MT3: variants seen among roughly 807,000 people sequenced by gnomAD.
MT3 encodes the protein metallothionein-3.
In MT3, 8 loss-of-function variants were observed where a neutral mutation model predicts 10.9. The observed-to-expected ratio is 0.73, with a 90% CI of 0.43 to 1.33. The LOEUF is 1.33. Among genes scored for constraint, MT3 ranks in the 40% most tolerant of loss-of-function variants. The probability of loss-of-function intolerance (pLI) is 0.01; values close to 1 mark genes in which losing one functional copy is unlikely to be tolerated. For synonymous variants in MT3, 32 were observed against 29.9 expected (o/e 1.07, Z -0.23); for missense variants, 75 against 83.9 (o/e 0.89, Z 0.41).
intron 2 of MT3, chr16:56,590,501 G>T: frequency 2.3e-6 from 1 of 431,074 alleles, no homozygotes; most frequent in South Asian, 2.9e-5. Context: ...TTTATCCTTT[G>T]AGGCCCCTTT....
Position 56,589,566 on chromosome 16 carries a change from G to A in MT3, c.-25G>A, listed in dbSNP as rs1959795202. The A allele has an allele frequency of 1.3e-6, 2 of 1,552,536 alleles. No individual in the cohort carries two copies. Among genetic ancestry groups the A allele is most frequent in the Non-Finnish European group, 1.7e-6 (2 of 1,151,592 alleles). ...AGTTGCTTGGAGAAGCCCGTTCACC[G>A]CCTCCAGCTGCTGCTCTCCTCGACA... On this transcript the variant is annotated 5_prime_UTR_variant, in exon 1 of 3. Transcript: ENST00000200691.
intron 1 of MT3, 114 bp from the exon 2 acceptor site, chr16:56,589,756 C>A (rs751410169): frequency 9.0e-6 from 14 of 1,560,492 alleles, no homozygotes; most frequent in Non-Finnish European, 1.1e-5. Context: ...TCGTGAAGGG[C>A]GGGCATGCCT....
intron 1 of MT3, 117 bp downstream of exon 1, chr16:56,589,738 T>C: frequency 1.3e-6 from 2 of 1,576,812 alleles, no homozygotes; most frequent in African/African-American, 1.3e-5. Context: ...GATTCCCTAT[T>C]CTTCACCTCG....
rs1218103264 is a variant in MT3 at position 56,590,140 on chromosome 16, GT to G, written c.97+210del. 2.7e-5 allele frequency: 19 copies of G among 703,302 alleles called. No homozygotes were observed. The Admixed American group carries it at 3.6e-4, about 13-fold the overall frequency. The allele number at this position is 703,302 out of a possible 1,614,324, so 43.6% of individuals were successfully genotyped here. Reference sequence around the variant, plus strand: ...TGATGGCCTAGGCGTGGGACGAGAGGTTTTTGTAAATCCCCAGAAGACTCCA... The same window carrying G: ...TGATGGCCTAGGCGTGGGACGAGAGGTTTTGTAAATCCCCAGAAGACTCCA... On this transcript the variant is annotated intron_variant, in intron 2 of 2. Transcript: ENST00000200691.
chr16:56,590,677 A>G (rs1959811320), intron 2 of MT3, 163 bp from the exon 3 acceptor site: 3 of 655,736 alleles, frequency 4.6e-6, no homozygotes, highest in Non-Finnish European at 5.4e-6. Context: ...GCCGCGACAT[A>G]GATGCTGAGT....
chr16:56,590,964 G>C lies in MT3; in HGVS notation c.*15G>C. On this transcript the variant is annotated 3_prime_UTR_variant, in exon 3 of 3. Transcript: ENST00000200691. The stretch of plus-strand genomic sequence containing the variant: ...GCTGCCAGTGAGAAGGCACCCCTCC[G>C]TGTGGAGCACGTGGAGATAGTGCCA... The C allele has an allele frequency of 6.2e-7, 1 of 1,608,042 alleles. No individual in the cohort carries two copies.
intron 2 of MT3, chr16:56,590,146 G>A: frequency 1.4e-6 from 1 of 699,054 alleles, no homozygotes; most frequent in Non-Finnish European, 2.6e-6. Context: ...AGAGGTTTTT[G>A]TAAATCCCCA....
rs1313243802 is a variant in MT3, at chr16:56,590,571, T to G, written c.98-269T>G. 5 of 523,896 alleles carry G rather than the reference T, an allele frequency of 9.5e-6. No individual in the cohort carries two copies. The East Asian group carries it at 1.7e-4, about 17-fold the overall frequency. 32.5% of individuals were successfully genotyped at this position (523,896 alleles called of 1,614,324 possible). Reference sequence around the variant, plus strand: ...GGCCTAGTACCCACCTAAGCTGGGCTTAAGCCCACCAGCCCCCAGGACTTC... The same window carrying G: ...GGCCTAGTACCCACCTAAGCTGGGCGTAAGCCCACCAGCCCCCAGGACTTC... On this transcript the variant is annotated intron_variant, in intron 2 of 2. Transcript: ENST00000200691.
intron 1 of MT3, 36 bp downstream of exon 1, chr16:56,589,657 C>A (rs1481567731): frequency 6.2e-7 from 1 of 1,605,126 alleles, no homozygotes; most frequent in Non-Finnish European, 8.5e-7. Context: ...CTGCGCACTG[C>A]GCGCCCTTGT....
chr16:56,590,670 G>A (rs1173218901), intron 2 of MT3, 170 bp from the exon 3 acceptor site: 25 of 639,500 alleles, frequency 3.9e-5, no homozygotes, highest in Admixed American at 3.0e-4. Flanking sequence ...TGCCACTGCC[G>A]CGACATAGAT....
chr16:56,590,169 G>T, intron 2 of MT3: 1 of 670,532 alleles, frequency 1.5e-6, no homozygotes, highest in Non-Finnish European at 2.7e-6. Flanking sequence ...AGACTCCAAT[G>T]GCAGCTGGGA....
chr16:56,590,029 C>T (rs1169174811), intron 2 of MT3, 94 bp downstream of exon 2: 7 of 1,381,410 alleles, frequency 5.1e-6, no homozygotes, highest in Non-Finnish European at 7.1e-6. Flanking sequence ...AGCCAGGCCC[C>T]GATCCCGTGG....
chr16:56,590,035 C>G, intron 2 of MT3, 100 bp downstream of exon 2: 1 of 1,331,652 alleles, frequency 7.5e-7, no homozygotes, highest in Non-Finnish European at 1.1e-6. Context: ...GCCCCGATCC[C>G]GTGGTTTCTG....
intron 2 of MT3, 61 bp downstream of exon 2, chr16:56,589,996 C>T: frequency 6.4e-7 from 1 of 1,570,772 alleles, no homozygotes; most frequent in Non-Finnish European, 8.8e-7. Context: ...GTCGGTGTCT[C>T]ACCACGCAGG....
intron 2 of MT3, 199 bp from the exon 3 acceptor site, chr16:56,590,641 C>G (rs2144278039): frequency 1.7e-6 from 1 of 597,642 alleles, no homozygotes; most frequent in South Asian, 1.9e-5. Context: ...GGGTACCTCA[C>G]TCCTGTGGAG....
intron 2 of MT3, chr16:56,590,600 G>A: frequency 1.8e-6 from 1 of 548,440 alleles, no homozygotes; most frequent in East Asian, 3.1e-5. Flanking sequence ...GGACTTCCTG[G>A]CATCCACCCA....
Position 56,589,927 on chromosome 16 carries a change from G to A in MT3, c.89G>A (p.Cys30Tyr), listed in dbSNP as rs1399661271. The change falls in exon 2 of 3, where the codon TGC becomes TAC. Residue 30 changes from cysteine to tyrosine, a missense_variant. Transcript: ENST00000200691. Reference sequence around the variant, plus strand: ...TGCGAGGGATGCAAATGCACCTCCTGCAAGAAGAGTGAGTGCGGGGACCCT... The same window carrying A: ...TGCGAGGGATGCAAATGCACCTCCTACAAGAAGAGTGAGTGCGGGGACCCT... Reference protein sequence around the residue: ...CKCEGCKCTSCKKSCCSCCPA... With the variant: ...CKCEGCKCTSYKKSCCSCCPA... 1 of 1,613,910 alleles carries A rather than the reference G, an allele frequency of 6.2e-7. No homozygotes were observed. Among genetic ancestry groups the A allele is most frequent in the Non-Finnish European group, 8.5e-7 (1 of 1,180,036 alleles).
chr16:56,590,784 G>T lies in MT3; in HGVS notation c.98-56G>T, dbSNP rs1567334790. ...CAGCACCCTTCCCTCCCCTTTGATG[G>T]GGACGAATTGGGGGAGTGTGCATCA... On this transcript the variant is annotated intron_variant, in intron 2 of 2. Transcript: ENST00000200691. The T allele has an allele frequency of 7.7e-6, 12 of 1,552,230 alleles. No homozygotes were observed. The East Asian group carries it at 2.8e-4, about 36-fold the overall frequency.
At position 56,590,986 on chromosome 16, in the gene MT3, G is replaced by A. The variant is rs746541143; in HGVS notation, c.*37G>A. On this transcript the variant is annotated 3_prime_UTR_variant, in exon 3 of 3. Coordinates refer to ENST00000200691, the MANE Select transcript of MT3 (RefSeq NM_005954.4). ...TCCGTGTGGAGCACGTGGAGATAGT[G>A]CCAGGTGGCTCAGTGCCACCTATGC... 3 of 1,582,526 alleles carry A rather than the reference G, an allele frequency of 1.9e-6. No individual in the cohort carries two copies. In the Admixed American group the frequency reaches 5.2e-5, roughly 28 times the overall value.
Sources: gnomAD v4.1 joint callset for allele counts on GRCh38, gnomAD v4.1.1 for gene constraint, MANE v1.5 for transcripts, NCBI Gene and HGNC (gene_info 2026-07-23, HGNC 2026-07-21) for gene names.